EPHA5: variants seen among roughly 807,000 people sequenced by gnomAD.
The protein encoded by EPHA5 is ephrin type-A receptor 5.
A neutral mutation model predicts 105.0 loss-of-function variants in EPHA5; 60 were observed. The observed-to-expected ratio is 0.57, with a 90% confidence interval of 0.46 to 0.71. The LOEUF (loss-of-function observed/expected upper bound fraction) is 0.71. Ranked by LOEUF, EPHA5 falls within the 30% of genes least tolerant of loss-of-function variation. EPHA5 has a pLI of 0.00. For synonymous variants in EPHA5, 513 were observed against 449.1 expected (o/e 1.14, Z -1.80); for missense variants, 1,218 against 1,274.7 (o/e 0.96, Z 0.68).
intron 8 of EPHA5, among the ~76,000 whole-genome samples, chr4:65,369,540 T>C (rs1044445778): frequency 1.3e-5 from 2 of 152,156 alleles, no homozygotes; most frequent in African/African-American, 2.4e-5. Context: ...TCATTACATA[T>C]TCTAGGATAT....
intron 3 of EPHA5, among the ~76,000 whole-genome samples, chr4:65,549,455 A>T (rs1028488124): frequency 6.6e-6 from 1 of 152,170 alleles, no homozygotes; most frequent in Non-Finnish European, 1.5e-5. Flanking sequence ...TTATACAACA[A>T]TGATAATATG....
At chr4:65,631,008 CTT>C (rs1161602591) in intron 2 of EPHA5, among the ~76,000 whole-genome samples, 2 of 152,046 alleles carry the variant, frequency 1.3e-5, no homozygotes, top group African/African-American at 4.8e-5. Context: ...CGGAACAACA[CTT>C]AAGTTGTTTT....
At chr4:65,452,923 C>T (rs1727205789) in intron 5 of EPHA5, among the ~76,000 whole-genome samples, 1 of 152,122 alleles carries the variant, frequency 6.6e-6, no homozygotes, top group African/African-American at 2.4e-5. Flanking sequence ...ATTGTGCTGA[C>T]TTGGTCAGCA....
intron 7 of EPHA5, among the ~76,000 whole-genome samples, chr4:65,406,083 C>T (rs971863630): frequency 2.0e-5 from 3 of 152,082 alleles, no homozygotes; most frequent in African/African-American, 7.2e-5. Context: ...TAATCCATTC[C>T]CACTTCCCAC....
chr4:65,509,318 C>T (rs148616323), intron 3 of EPHA5, among the ~76,000 whole-genome samples: 50 of 152,208 alleles, frequency 3.3e-4, no homozygotes, highest in Admixed American at 1.4e-3. Flanking sequence ...TATTTATCTA[C>T]ATTTAGTTAA....
intron 1 of EPHA5, among the ~76,000 whole-genome samples, chr4:65,665,325 G>C (rs147070568): frequency 6.6e-6 from 1 of 152,072 alleles, no homozygotes; most frequent in Non-Finnish European, 1.5e-5. Flanking sequence ...ATCAACAAAA[G>C]TGTGGTGGAA....
chr4:65,333,539 C>G lies in EPHA5; in HGVS notation c.2790-1411G>C, dbSNP rs10019118. Among the ~76,000 whole-genome samples the G allele has an allele frequency of 1.6e-4, 18 of 111,866 alleles. 2 individuals carry two copies. Among genetic ancestry groups the G allele is most frequent in the African/African-American group, 3.3e-4 (8 of 24,284 alleles). 73.4% of individuals were successfully genotyped at this position (111,866 alleles called of 152,430 possible). A position where few individuals can be genotyped will look rare whatever the true frequency, so the allele number is the denominator to read the frequency against. On this transcript the variant is annotated intron_variant, in intron 15 of 16. Coordinates refer to ENST00000613740, the MANE Select transcript of EPHA5 (RefSeq NM_001281766.3). ...TGCGTGTGCGTGTGAGAGTGTGTGT[C>G]TGTGTGTGTGTGTGTGTGTGTGTGT...
chr4:65,576,167 A>AAAGG lies in EPHA5; in HGVS notation c.910+25470_910+25473dup, dbSNP rs141356860. 4.2e-3 allele frequency among the ~76,000 whole-genome samples: 624 copies of AAAGG among 148,164 alleles called. 2 individuals carry two copies. Among genetic ancestry groups the AAAGG allele is most frequent in the East Asian group, 0.017 (86 of 4,940 alleles). On this transcript the variant is annotated intron_variant, in intron 3 of 16. Coordinates refer to ENST00000613740, the MANE Select transcript of EPHA5 (RefSeq NM_001281766.3). ...AGAAAAAGAAAGAGAGAGAGAAAGT[A>AAAGG]AAGGAAGGAAGGAAGGAAGGAAGGA...
chr4:65,630,948 A>C (rs1746574035), intron 2 of EPHA5, among the ~76,000 whole-genome samples: 1 of 152,120 alleles, frequency 6.6e-6, no homozygotes, highest in South Asian at 2.1e-4. Context: ...CTTATTAATA[A>C]TTTTTGGATG....
intron 2 of EPHA5, among the ~76,000 whole-genome samples, chr4:65,618,320 C>T (rs1418612733): frequency 2.6e-5 from 4 of 152,008 alleles, no homozygotes; most frequent in Admixed American, 2.0e-4. Flanking sequence ...ACCCTTTTAA[C>T]ATGTAAATGG....
At chr4:65,579,573 G>T (rs1741411395) in intron 3 of EPHA5, among the ~76,000 whole-genome samples, 1 of 151,540 alleles carries the variant, frequency 6.6e-6, no homozygotes, top group African/African-American at 2.4e-5. Flanking sequence ...AAAATTATGA[G>T]AATAATTACT....
intron 2 of EPHA5, among the ~76,000 whole-genome samples, chr4:65,639,505 T>C (rs895203087): frequency 2.0e-5 from 3 of 152,214 alleles, no homozygotes; most frequent in African/African-American, 4.8e-5. Context: ...TGACTCTTGC[T>C]ACTTTTGAAA....
rs774897926 is a variant in EPHA5 at position 65,351,464 on chromosome 4, G to T, written c.2370C>A (p.Asn790Lys). The part of the protein sequence containing the change: ...LAARNILINS[N>K]LVCKVSDFGL... The stretch of plus-strand genomic sequence containing the variant: ...CAAAGTCAGACACTTTGCACACAAG[G>T]TTACTGTTGATTAAGATGTTTCTGG... The change falls in exon 13 of 17, where the codon AAC (asparagine) becomes AAA (lysine). Residue 790 changes from asparagine to lysine, a missense_variant. By Grantham distance (94) the Asn-to-Lys change is moderately conservative. This residue lies in a region of EPHA5 where 971 missense variants were observed against 1,013.5 expected (regional missense o/e 0.96). Coordinates refer to ENST00000613740, the MANE Select transcript of EPHA5 (RefSeq NM_001281766.3). 6.2e-7 allele frequency: 1 copy of T among 1,613,758 alleles called. No individual in the cohort carries two copies.
chr4:65,390,974 G>A (rs1720660402), intron 8 of EPHA5, among the ~76,000 whole-genome samples: 2 of 152,024 alleles, frequency 1.3e-5, no homozygotes, highest in African/African-American at 4.8e-5. Context: ...AGTGGGTGGA[G>A]AGGCCTCAGG....
intron 4 of EPHA5, among the ~76,000 whole-genome samples, chr4:65,493,606 T>C (rs1476243865): frequency 6.6e-6 from 1 of 152,172 alleles, no homozygotes; most frequent in East Asian, 1.9e-4. Flanking sequence ...TTAAATTTAA[T>C]TTTATTTTAC....
intron 3 of EPHA5, among the ~76,000 whole-genome samples, chr4:65,588,151 C>T (rs1280550142): frequency 1.3e-5 from 2 of 152,110 alleles, no homozygotes; most frequent in Non-Finnish European, 2.9e-5. Flanking sequence ...AGGATGTTGT[C>T]AAGCTTAAAA....
rs778192399 is a variant in EPHA5 at position 65,601,652 on chromosome 4, C to A, written c.899G>T (p.Gly300Val). 11 of 1,612,666 alleles carry A rather than the reference C, an allele frequency of 6.8e-6. No homozygotes were observed. The highest frequency in any genetic ancestry group is 4.0e-5 in the African/African-American group (3 of 74,900). ...AGGCAAACTCTTACCTTGACAGGTG[C>A]CATTTTTCTCTTCATATCCTGCCTT... The part of the protein sequence containing the change: ...MCKAGYEEKN[G>V]TCQVCRPGFF... Residue 300 changes from glycine (G) to valine (V), a missense_variant, in exon 3 of 17, where the codon GGC (glycine) becomes GTC (valine). Around this residue, in one of 3 missense-constraint regions of EPHA5, gnomAD observed 971 missense variants for 1,013.5 expected, o/e 0.96. Coordinates refer to ENST00000613740, the MANE Select transcript of EPHA5 (RefSeq NM_001281766.3).
intron 1 of EPHA5, among the ~76,000 whole-genome samples, chr4:65,660,001 C>T (rs1271974509): frequency 1.3e-5 from 2 of 152,134 alleles, no homozygotes; most frequent in Non-Finnish European, 2.9e-5. Flanking sequence ...CCACTTTCAG[C>T]AGCATTTCTC....
At chr4:65,488,275 C>T (rs4348150) in intron 5 of EPHA5, among the ~76,000 whole-genome samples, 148,208 of 152,276 alleles carry the variant, frequency 0.97, 72,244 homozygotes, top group East Asian at 1. Flanking sequence ...ATTTTCTCTA[C>T]CTAGTTTATC....
Sources: allele counts gnomAD v4.1 joint callset (sites outside exome capture counted in the v4.1 genomes callset), GRCh38; gene constraint gnomAD v4.1.1; regional missense constraint gnomAD v4.1.1; transcripts MANE v1.5; gene names NCBI Gene and HGNC (gene_info 2026-07-23, HGNC 2026-07-21).